Variants in GRHL2 observed in about 807,000 individuals in gnomAD.
GRHL2 encodes grainyhead-like protein 2 homolog.
In GRHL2, 21 loss-of-function variants were observed where a neutral mutation model predicts 83.8. The observed-to-expected ratio is 0.25, with a 90% CI of 0.18 to 0.36. The LOEUF is 0.36. Ranked by LOEUF, GRHL2 falls within the 10% of genes least tolerant of loss-of-function variation. The pLI is 1.00. For missense variants in GRHL2, 623 were observed against 781.8 expected (o/e 0.80, Z 2.42); for synonymous variants, 280 against 278.9 (o/e 1.00, Z -0.04).
At chr8:101,677,867 C>A in the GRHL2 span, among the ~76,000 whole-genome samples, 2 of 152,070 alleles carry the variant, frequency 1.3e-5, no homozygotes, top group East Asian at 3.9e-4. Flanking sequence ...TGTAGAGAAC[C>A]CTGCTTGAAA....
At chr8:101,594,658 A>G (rs1256081648) in intron 7 of GRHL2, among the ~76,000 whole-genome samples, 1 of 152,226 alleles carries the variant, frequency 6.6e-6, no homozygotes, top group Non-Finnish European at 1.5e-5. Flanking sequence ...ACTGAACACA[A>G]AGGGTAGAGA....
At chr8:101,559,353 C>CAAAAAAAAAAAAAAAAAA (rs34176940) in intron 4 of GRHL2, among the ~76,000 whole-genome samples, 35 of 88,936 alleles carry the variant, frequency 3.9e-4, no homozygotes, top group African/African-American at 1.3e-3. Context: ...ACTAAAAATA[C>CAAAAAAAAAAAAAAAAAA]AAAAAAAAAA....
intron 7 of GRHL2, among the ~76,000 whole-genome samples, chr8:101,584,866 G>A (rs1812130766): frequency 6.6e-6 from 1 of 151,660 alleles, no homozygotes; most frequent in South Asian, 2.1e-4. Context: ...TGGCCAGGTG[G>A]TCAGGTGGCT....
At chr8:101,572,390 T>C (rs1380185810) in intron 5 of GRHL2, among the ~76,000 whole-genome samples, 2 of 152,230 alleles carry the variant, frequency 1.3e-5, no homozygotes, top group African/African-American at 2.4e-5. Context: ...AGATTTTTTA[T>C]CATAAAACAG....
chr8:101,565,440 T>C (rs191396175), intron 4 of GRHL2, among the ~76,000 whole-genome samples: 2 of 152,298 alleles, frequency 1.3e-5, no homozygotes, highest in African/African-American at 4.8e-5. Context: ...AGTGATTTAA[T>C]ACAATAAAAT....
intron 8 of GRHL2, among the ~76,000 whole-genome samples, chr8:101,601,183 C>T (rs1005852899): frequency 6.6e-6 from 1 of 151,128 alleles, no homozygotes; most frequent in African/African-American, 2.4e-5. Context: ...CACACACACA[C>T]ACACACCCCA....
chr8:101,516,410 C>CTTTT (rs33990862), intron 1 of GRHL2, among the ~76,000 whole-genome samples: 6 of 86,006 alleles, frequency 7.0e-5, no homozygotes, highest in African/African-American at 1.4e-4. Flanking sequence ...ACCTCTTTTC[C>CTTTT]TTTTTTTTTT....
chr8:101,652,565 T>TGTGTGTGTG (rs1444634566), intron 14 of GRHL2, among the ~76,000 whole-genome samples: 2 of 100,546 alleles, frequency 2.0e-5, no homozygotes, highest in African/African-American at 8.9e-5. Context: ...TGTGTGGTGG[T>TGTGTGTGTG]GTGTGTGTGG....
At chr8:101,541,887 C>T (rs767769625) in intron 1 of GRHL2, among the ~76,000 whole-genome samples, 2 of 152,182 alleles carry the variant, frequency 1.3e-5, no homozygotes, top group Non-Finnish European at 2.9e-5. Context: ...CCACCCATTT[C>T]TGTTTCTACT....
At chr8:101,656,074 C>T (rs771494750) in intron 14 of GRHL2, among the ~76,000 whole-genome samples, 6 of 152,206 alleles carry the variant, frequency 3.9e-5, no homozygotes, top group African/African-American at 7.2e-5. Flanking sequence ...AGCCCACCCA[C>T]GTAAATAGCA....
chr8:101,564,661 A>T (rs2130197283), intron 4 of GRHL2, among the ~76,000 whole-genome samples: 2 of 151,850 alleles, frequency 1.3e-5, no homozygotes, highest in East Asian at 3.9e-4. Context: ...AAAATAAAAA[A>T]ATTAGCTAGG....
intron 9 of GRHL2, among the ~76,000 whole-genome samples, chr8:101,624,497 A>G (rs1363470375): frequency 6.6e-6 from 1 of 150,558 alleles, no homozygotes; most frequent in Non-Finnish European, 1.5e-5. Flanking sequence ...AGGACAGTTC[A>G]GAGTACACAG....
intron 7 of GRHL2, among the ~76,000 whole-genome samples, chr8:101,594,781 A>C (rs531715203): frequency 6.6e-6 from 1 of 152,262 alleles, no homozygotes; most frequent in Non-Finnish European, 1.5e-5. Context: ...TTCACTCAAC[A>C]AACTTATGGA....
rs879557160 is a variant in GRHL2 at position 101,656,905 on chromosome 8, CA to C, written c.1698+7407del. ...ACACACACACACACACACACACACA[CA>C]GGCAATGACCGTGAGTGCTATGAGG... On this transcript the variant is annotated intron_variant, in intron 14 of 15. Coordinates refer to ENST00000646743, the MANE Select transcript of GRHL2 (RefSeq NM_024915.4). Among the ~76,000 whole-genome samples, 216 of 149,798 alleles carry C rather than the reference CA, an allele frequency of 1.4e-3. 3 individuals carry two copies. Among genetic ancestry groups the C allele is most frequent in the Non-Finnish European group, 2.4e-3 (160 of 67,300 alleles).
chr8:101,676,424 A>G, the GRHL2 span, among the ~76,000 whole-genome samples: 1 of 152,132 alleles, frequency 6.6e-6, no homozygotes, highest in African/African-American at 2.4e-5. Context: ...ACTTCTCAAA[A>G]GAAGACATTT....
chr8:101,570,466 C>A (rs1811799903), intron 5 of GRHL2, 72 bp downstream of exon 5: 1 of 1,210,996 alleles, frequency 8.3e-7, no homozygotes, highest in South Asian at 1.2e-5. Context: ...TCGAGTTATA[C>A]CTTTAAACCT....
At chr8:101,676,257 A>G in the GRHL2 span, among the ~76,000 whole-genome samples, 11 of 151,984 alleles carry the variant, frequency 7.2e-5, no homozygotes, top group African/African-American at 2.7e-4. Flanking sequence ...AGAAACTACC[A>G]TCAGAGTGAA....
chr8:101,549,354 G>T (rs1811331808), intron 2 of GRHL2, among the ~76,000 whole-genome samples: 1 of 152,186 alleles, frequency 6.6e-6, no homozygotes, highest in Non-Finnish European at 1.5e-5. Context: ...ATAGCAACAC[G>T]ACAAGATCAG....
chr8:101,514,383 A>G (rs1810526253), intron 1 of GRHL2, among the ~76,000 whole-genome samples: 1 of 152,206 alleles, frequency 6.6e-6, no homozygotes, highest in Non-Finnish European at 1.5e-5. Flanking sequence ...GGATCTTACT[A>G]AGGGAATGCA....
Sources: gnomAD v4.1 joint callset for allele counts (sites outside exome capture counted in the v4.1 genomes callset) on GRCh38, gnomAD v4.1.1 for gene constraint, MANE v1.5 for transcripts, NCBI Gene and HGNC (gene_info 2026-07-23, HGNC 2026-07-21) for gene names.